Variants in TPST2 observed in about 807,000 individuals in gnomAD.
TPST2 encodes the protein protein-tyrosine sulfotransferase 2.
TPST2 carries 16 observed loss-of-function variants against 27.8 expected under a neutral mutation model. That is an observed-to-expected ratio of 0.58 (90% confidence interval 0.39 to 0.88). The LOEUF is 0.88. Ranked by LOEUF, TPST2 falls within the 40% of genes least tolerant of loss-of-function variation. TPST2 has a pLI of 0.00. For synonymous variants in TPST2, 229 were observed against 231.7 expected, an observed-to-expected ratio of 0.99 and a Z score of 0.10; for missense variants, 464 against 543.1, an observed-to-expected ratio of 0.85 and a Z score of 1.45.
chr22:26,570,041 A>AAGACAGAC (rs1208079389), intron 1 of TPST2, among the ~76,000 whole-genome samples: 3 of 103,390 alleles, frequency 2.9e-5, no homozygotes, highest in Middle Eastern at 4.7e-3. Context: ...GAAAGAAAGA[A>AAGACAGAC]AGACAGAAAG....
At position 26,544,274 on chromosome 22, in the gene TPST2, C is replaced by A. The variant is rs1277298535; in HGVS notation, c.-89+330G>T. ...ACACTAACATTAGGAGAACGGGACA[C>A]AACAGCGTTTGGGTTCTGGCTTGAA... On this transcript the variant is annotated intron_variant, in intron 2 of 6. Coordinates refer to ENST00000338754, the MANE Select transcript of TPST2 (RefSeq NM_003595.5). Among the ~76,000 whole-genome samples the A allele has an allele frequency of 6.6e-5, 10 of 152,320 alleles. No individual in the cohort carries two copies. In the South Asian group the frequency reaches 2.1e-3, roughly 32 times the overall value.
chr22:26,553,386 T>C (rs1349976326), intron 1 of TPST2, among the ~76,000 whole-genome samples: 1 of 139,872 alleles, frequency 7.1e-6, no homozygotes, highest in Non-Finnish European at 1.6e-5. Context: ...TTTTTTTTTT[T>C]AAAGAGACAG....
chr22:26,546,514 G>GC (rs1351097587), intron 1 of TPST2, among the ~76,000 whole-genome samples: 1 of 152,254 alleles, frequency 6.6e-6, no homozygotes, highest in Non-Finnish European at 1.5e-5. Context: ...CAGCCAGGCA[G>GC]CTCCCATGGC....
rs924610061 is a variant in TPST2, at chr22:26,555,110, G to A, written c.-160-10435C>T. ...AAATATTCTGATTTGGAAGAGGCAA[G>A]GTGGAGCTGAGGGAATTTGCATTTT... On this transcript the variant is annotated intron_variant, in intron 1 of 6. Transcript: ENST00000338754. 9.5e-6 allele frequency: 5 copies of A among 525,268 alleles called. No individual in the cohort carries two copies. The African/African-American group carries it at 9.6e-5, about 10-fold the overall frequency. 32.5% of individuals were successfully genotyped at this position (525,268 alleles called of 1,614,324 possible).
rs760474396 is a variant in TPST2 at position 26,536,290 on chromosome 22, G to A, written c.1039C>T (p.Arg347Trp). 11 of 1,613,992 alleles carry A rather than the reference G, an allele frequency of 6.8e-6. No homozygotes were observed. Among genetic ancestry groups the A allele is most frequent in the Non-Finnish European group, 9.3e-6 (11 of 1,180,026 alleles). ...CACAAGTACAGGTGCACACTCACCC[G>A]CTGTGTGTTGTTGATGACGAAGGGG... ...PDPFVINNTQRVLKGDYKTPA... is the reference protein window; with the variant it reads ...PDPFVINNTQWVLKGDYKTPA... Residue 347 changes from arginine (R) to tryptophan (W), a missense_variant and splice_region_variant, in exon 4 of 7, where the codon CGG becomes TGG. Arg to Trp is a moderately radical substitution (Grantham distance 101). Coordinates refer to ENST00000338754, the MANE Select transcript of TPST2 (RefSeq NM_003595.5).
chr22:26,532,838 C>T (rs1925245083), intron 4 of TPST2, 93 bp from the exon 5 acceptor site: 1 of 1,131,364 alleles, frequency 8.8e-7, no homozygotes, highest in South Asian at 1.3e-5. Flanking sequence ...CACCCATCCA[C>T]CTCGCCACCC....
At chr22:26,561,696 A>G (rs1260252163) in intron 1 of TPST2, among the ~76,000 whole-genome samples, 1 of 152,060 alleles carries the variant, frequency 6.6e-6, no homozygotes, top group Non-Finnish European at 1.5e-5. Context: ...CATCATTATT[A>G]CTATTATTAG....
chr22:26,545,211 G>A (rs6005072), intron 1 of TPST2, among the ~76,000 whole-genome samples: 1 of 152,120 alleles, frequency 6.6e-6, no homozygotes, highest in African/African-American at 2.4e-5. Flanking sequence ...TGCTGACCAC[G>A]CAAATACCTG....
chr22:26,562,727 G>T (rs929587235), intron 1 of TPST2, among the ~76,000 whole-genome samples: 1 of 151,696 alleles, frequency 6.6e-6, no homozygotes, highest in Admixed American at 6.6e-5. Flanking sequence ...AGGTTCAAGC[G>T]ATTCTCCTGC....
At position 26,541,462 on chromosome 22, in the gene TPST2, T is replaced by C. The variant is rs778554361; in HGVS notation, c.169A>G (p.Thr57Ala). 3 of 1,609,266 alleles carry C rather than the reference T, an allele frequency of 1.9e-6. No homozygotes were observed. Among genetic ancestry groups the C allele is most frequent in the Admixed American group, 3.4e-5 (2 of 59,250 alleles). ...PEQEELVMVG[T>A]NHVEYRYGKA... The stretch of plus-strand genomic sequence containing the variant: ...CCATAGCGGTATTCCACGTGGTTGG[T>C]GCCCACCATCACCAGCTCCTCCTGC... The change falls in exon 3 of 7, where the codon ACC becomes GCC. Residue 57 changes from threonine (T) to alanine (A), a missense_variant. Thr to Ala is a moderately conservative substitution (Grantham distance 58). Coordinates refer to ENST00000338754, the MANE Select transcript of TPST2 (RefSeq NM_003595.5). The surrounding 1 kb of genome is among the most constrained non-coding windows in gnomAD (Gnocchi z 5.9).
intron 3 of TPST2, among the ~76,000 whole-genome samples, chr22:26,537,844 A>G (rs1438751326): frequency 6.6e-6 from 1 of 152,166 alleles, no homozygotes; most frequent in Non-Finnish European, 1.5e-5. Context: ...GCGCGTCTGC[A>G]GCTGTAAAAC....
chr22:26,549,364 A>G (rs1274643846), intron 1 of TPST2, among the ~76,000 whole-genome samples: 4 of 152,136 alleles, frequency 2.6e-5, no homozygotes, highest in Non-Finnish European at 5.9e-5. Context: ...GCGGCTCATA[A>G]AACAGGGGCA....
rs528494495 is a variant in TPST2 at position 26,524,746 on chromosome 22, C to T, written c.*1529G>A. On this transcript the variant is annotated 3_prime_UTR_variant, in exon 7 of 7. Coordinates refer to ENST00000338754, the MANE Select transcript of TPST2 (RefSeq NM_003595.5). ...AAACTTATTGTAGGCCCAGTTGGTC[C>T]CTCAGCATTTGGGGACTGTGCTATA... 4.6e-5 allele frequency: 7 copies of T among 152,154 alleles called. No homozygotes were observed. Among genetic ancestry groups the T allele is most frequent in the Non-Finnish European group, 1.0e-4 (7 of 68,038 alleles). 9.4% of individuals were successfully genotyped at this position (152,154 alleles called of 1,614,324 possible).
At chr22:26,578,877 G>C (rs1927973715) in intron 1 of TPST2, among the ~76,000 whole-genome samples, 1 of 149,820 alleles carries the variant, frequency 6.7e-6, no homozygotes, top group Admixed American at 6.6e-5. Context: ...TTTGAGACGG[G>C]GTCTCACTCT....
In TPST2 at chr22:26,536,333, G is replaced by A. The variant is rs1329712868; in HGVS notation, c.996C>T (p.Pro332=). ...CGAAGGGGTCAGGGTTGCCATAGTT[G>A]GGGGGGTTTGCATAAGGGTCATAGC... ...QLGYDPYANP[P]NYGNPDPFVI... The change falls in exon 4 of 7, where the codon CCC becomes CCT. Residue 332 remains proline, a synonymous_variant. Coordinates refer to ENST00000338754, the MANE Select transcript of TPST2 (RefSeq NM_003595.5). 3.7e-6 allele frequency: 6 copies of A among 1,613,898 alleles called. No individual in the cohort carries two copies. The highest frequency in any genetic ancestry group is 5.1e-6 in the Non-Finnish European group (6 of 1,179,920).
intron 1 of TPST2, among the ~76,000 whole-genome samples, chr22:26,580,007 G>A (rs1302310903): frequency 6.6e-6 from 1 of 152,146 alleles, no homozygotes; most frequent in Non-Finnish European, 1.5e-5. Flanking sequence ...TACTTTGGGA[G>A]GCTGAGGCAG....
rs542400736 is a variant in TPST2 at position 26,542,259 on chromosome 22, G to T, written c.-88-541C>A. On this transcript the variant is annotated intron_variant, in intron 2 of 6. Transcript: ENST00000338754. ...TCCGTCTAAAAAAAAAAAAAAAAAA[G>T]GCTGGAGTGCATTGAGTGGTGAGAG... Among the ~76,000 whole-genome samples, 779 of 117,262 alleles carry T rather than the reference G, an allele frequency of 6.6e-3. 11 individuals carry two copies. Among genetic ancestry groups the T allele is most frequent in the African/African-American group, 0.022 (725 of 33,682 alleles). The allele number at this position is 117,262 out of a possible 152,430, so 76.9% of individuals were successfully genotyped here.
chr22:26,554,277 C>T (rs1926657869), intron 1 of TPST2, among the ~76,000 whole-genome samples: 2 of 152,182 alleles, frequency 1.3e-5, no homozygotes, highest in Non-Finnish European at 2.9e-5. Context: ...TAGTGCCCGG[C>T]TCAGACTCCT....
chr22:26,533,874 C>T (rs1925304590), intron 4 of TPST2, among the ~76,000 whole-genome samples: 1 of 152,114 alleles, frequency 6.6e-6, no homozygotes, highest in Non-Finnish European at 1.5e-5. Context: ...TGAGGTTTCA[C>T]CATGTTACCC....
Sources: gnomAD v4.1 joint callset for allele counts (sites outside exome capture counted in the v4.1 genomes callset) on GRCh38, gnomAD v4.1.1 for gene constraint, Gnocchi (gnomAD v3.1) non-coding constraint, MANE v1.5 for transcripts, NCBI Gene and HGNC (gene_info 2026-07-23, HGNC 2026-07-21) for gene names.